Variants in TM9SF2 observed in about 807,000 individuals in gnomAD.
The protein encoded by TM9SF2 is transmembrane 9 superfamily member 2, also known as 76 kDa membrane protein.
Under a neutral mutation model 84.9 loss-of-function variants are expected in TM9SF2, and 13 were observed. That is an observed-to-expected ratio of 0.15 (90% CI 0.10 to 0.24). TM9SF2 has a LOEUF of 0.24. TM9SF2 is among the 10% of genes least tolerant of loss of function. The probability of loss-of-function intolerance (pLI) is 1.00; values close to 1 mark genes in which losing one functional copy is unlikely to be tolerated. For synonymous variants in TM9SF2, 273 were observed against 285.8 expected (o/e 0.96, Z 0.45); for missense variants, 562 against 818.5 (o/e 0.69, Z 3.82).
At chr13:99,546,818 A>G (rs1342061037) in intron 10 of TM9SF2, among the ~76,000 whole-genome samples, 167 bp from the exon 11 acceptor site, 1 of 152,180 alleles carries the variant, frequency 6.6e-6, no homozygotes, top group Non-Finnish European at 1.5e-5. Context: ...TTGGTGCAGT[A>G]CAGTAAATAT....
intron 1 of TM9SF2, among the ~76,000 whole-genome samples, chr13:99,508,788 C>G (rs189829015): frequency 6.6e-6 from 1 of 152,160 alleles, no homozygotes; most frequent in Non-Finnish European, 1.5e-5. Flanking sequence ...CACTCACCAT[C>G]ATGAGGGCAG....
At chr13:99,520,247 T>C (rs1187928671) in intron 3 of TM9SF2, 118 bp downstream of exon 3, 5 of 793,136 alleles carry the variant, frequency 6.3e-6, no homozygotes, top group East Asian at 5.6e-5. Flanking sequence ...CTCTTTTTCA[T>C]CTAGGAATAG....
chr13:99,517,730 G>T, intron 2 of TM9SF2, 49 bp downstream of exon 2: 1 of 1,342,664 alleles, frequency 7.4e-7, no homozygotes, highest in South Asian at 1.4e-5. Context: ...TGACTCATCA[G>T]AATTTTGTAC....
intron 13 of TM9SF2, among the ~76,000 whole-genome samples, chr13:99,552,688 C>T (rs1460442296): frequency 6.6e-6 from 1 of 152,202 alleles, no homozygotes. Flanking sequence ...ACTGCAACCT[C>T]CACCTTCAGG....
chr13:99,526,026 G>A (rs1052649464), intron 3 of TM9SF2, among the ~76,000 whole-genome samples: 1 of 152,226 alleles, frequency 6.6e-6, no homozygotes. Context: ...CAGTGAGCTC[G>A]TTCATCCGTG....
At chr13:99,548,631 G>A (rs1428708040) in intron 11 of TM9SF2, among the ~76,000 whole-genome samples, 1 of 152,082 alleles carries the variant, frequency 6.6e-6, no homozygotes, top group African/African-American at 2.4e-5. Flanking sequence ...TAGCAAACAT[G>A]GTCTGTCAAA....
At chr13:99,549,295 C>A in intron 12 of TM9SF2, 73 bp downstream of exon 12, 1 of 1,185,594 alleles carries the variant, frequency 8.4e-7, no homozygotes, top group Non-Finnish European at 1.3e-6. Flanking sequence ...GTCGTTGAGT[C>A]TTTAATCCTC....
At chr13:99,506,577 A>G (rs975098446) in intron 1 of TM9SF2, among the ~76,000 whole-genome samples, 8 of 152,224 alleles carry the variant, frequency 5.3e-5, no homozygotes, top group African/African-American at 1.7e-4. Context: ...TAAGACTGTA[A>G]TTGTTCATTA....
chr13:99,502,309 A>C (rs887117140), intron 1 of TM9SF2, among the ~76,000 whole-genome samples: 1 of 152,202 alleles, frequency 6.6e-6, no homozygotes, highest in Non-Finnish European at 1.5e-5. Context: ...TCTTTCTAGG[A>C]CTTTGATATC....
chr13:99,521,599 C>CCTA (rs1481510708), intron 3 of TM9SF2, among the ~76,000 whole-genome samples: 1 of 152,146 alleles, frequency 6.6e-6, no homozygotes, highest in African/African-American at 2.4e-5. Flanking sequence ...AGCACCTGCA[C>CCTA]CTACACTGTG....
chr13:99,560,891 C>T (rs1364962872), intron 16 of TM9SF2, among the ~76,000 whole-genome samples: 1 of 152,146 alleles, frequency 6.6e-6, no homozygotes, highest in Non-Finnish European at 1.5e-5. Context: ...CCATGTTAGC[C>T]AGGATGGTCT....
intron 1 of TM9SF2, among the ~76,000 whole-genome samples, chr13:99,515,491 T>G (rs2046129946): frequency 6.6e-6 from 1 of 152,214 alleles, no homozygotes; most frequent in African/African-American, 2.4e-5. Context: ...TTCACTTGAG[T>G]AGAGGTGTAG....
intron 12 of TM9SF2, among the ~76,000 whole-genome samples, chr13:99,550,806 T>A (rs2046302767): frequency 6.6e-6 from 1 of 152,346 alleles, no homozygotes; most frequent in South Asian, 2.1e-4. Context: ...TATTTCCTTG[T>A]ATTAAAAAGA....
At chr13:99,550,189 A>T (rs61972548) in intron 12 of TM9SF2, among the ~76,000 whole-genome samples, 1 of 152,140 alleles carries the variant, frequency 6.6e-6, no homozygotes, top group South Asian at 2.1e-4. Flanking sequence ...TATTCCTCCA[A>T]ATAGGCTCAT....
At chr13:99,520,524 C>T (rs550850712) in intron 3 of TM9SF2, among the ~76,000 whole-genome samples, 9 of 152,262 alleles carry the variant, frequency 5.9e-5, no homozygotes, top group Middle Eastern at 3.4e-3. Flanking sequence ...TCCGTTAGCA[C>T]GTACAATGCT....
At chr13:99,541,823 T>C in intron 9 of TM9SF2, 156 bp downstream of exon 9, 2 of 504,758 alleles carry the variant, frequency 4.0e-6, no homozygotes, top group South Asian at 4.8e-5. Context: ...TATCTTGAAT[T>C]CACATTTTCA....
intron 9 of TM9SF2, 37 bp downstream of exon 9, chr13:99,541,704 A>T (rs377357784): frequency 7.2e-7 from 1 of 1,392,476 alleles, no homozygotes; most frequent in Non-Finnish European, 1.0e-6. Context: ...TCTGCCAAGG[A>T]CACTGTTTAT....
intron 3 of TM9SF2, 76 bp from the exon 4 acceptor site, chr13:99,529,391 T>C (rs1026148405): frequency 1.1e-5 from 15 of 1,355,216 alleles, no homozygotes; most frequent in Middle Eastern, 4.5e-4. Flanking sequence ...ACCAGCACTT[T>C]TACTCTATTT....
chr13:99,504,771 T>A (rs911230298), intron 1 of TM9SF2, among the ~76,000 whole-genome samples: 3 of 152,228 alleles, frequency 2.0e-5, no homozygotes, highest in African/African-American at 4.8e-5. Context: ...CTCCTTTTTT[T>A]AACTTATTTT....
Sources: allele counts gnomAD v4.1 joint callset (sites outside exome capture counted in the v4.1 genomes callset), GRCh38; gene constraint gnomAD v4.1.1; transcripts MANE v1.5; gene names NCBI Gene and HGNC (gene_info 2026-07-23, HGNC 2026-07-21).